Variants in FERMT1 observed in about 807,000 individuals in gnomAD.
The protein encoded by FERMT1 is FERM domain containing kindlin 1, also known as fermitin family homolog 1.
Under a neutral mutation model 85.3 loss-of-function variants are expected in FERMT1, and 60 were observed. That is an observed-to-expected ratio of 0.70 (90% CI 0.57 to 0.87). The LOEUF (loss-of-function observed/expected upper bound fraction) is 0.87, where lower values mean the gene tolerates loss of function less well. FERMT1 is among the 40% of genes least tolerant of loss of function. The pLI is 0.00. For missense variants in FERMT1, 701 were observed against 818.9 expected, an observed-to-expected ratio of 0.86 and a Z score of 1.76; for synonymous variants, 275 against 301.1, an observed-to-expected ratio of 0.91 and a Z score of 0.90.
chr20:6,090,773 T>C (rs1982334371), intron 9 of FERMT1, among the ~76,000 whole-genome samples: 1 of 152,148 alleles, frequency 6.6e-6, no homozygotes, highest in Admixed American at 6.5e-5. Context: ...CCCCTCAGTG[T>C]ATTACAGAAG....
chr20:6,090,275 A>G (rs1033363487), intron 9 of FERMT1, among the ~76,000 whole-genome samples: 22 of 151,904 alleles, frequency 1.4e-4, no homozygotes, highest in Non-Finnish European at 2.2e-4. Context: ...GGGTTTCACT[A>G]TGTTGGCCAG....
At chr20:6,119,026 C>T (rs906878188) in intron 2 of FERMT1, among the ~76,000 whole-genome samples, 3 of 151,848 alleles carry the variant, frequency 2.0e-5, no homozygotes, top group Non-Finnish European at 4.4e-5. Context: ...TGGCTCACTG[C>T]AACCCCCGCC....
intron 13 of FERMT1, among the ~76,000 whole-genome samples, chr20:6,079,818 A>C (rs1379085690): frequency 1.3e-5 from 2 of 152,246 alleles, no homozygotes; most frequent in Non-Finnish European, 2.9e-5. Context: ...GAAGAAAAAT[A>C]AGATGGAATC....
chr20:6,084,904 G>C (rs1270816535), intron 12 of FERMT1, among the ~76,000 whole-genome samples, 162 bp downstream of exon 12: 2 of 152,058 alleles, frequency 1.3e-5, no homozygotes, highest in African/African-American at 4.8e-5. Flanking sequence ...TGTTGCCCAG[G>C]CTGGTCTTGA....
intron 4 of FERMT1, among the ~76,000 whole-genome samples, chr20:6,111,855 T>C (rs1982959904): frequency 6.9e-6 from 1 of 145,722 alleles, no homozygotes; most frequent in Non-Finnish European, 1.5e-5. Context: ...ATTTAACTTA[T>C]CTTTTTTCTT....
chr20:6,109,680 A>G (rs1402224278), intron 5 of FERMT1, among the ~76,000 whole-genome samples: 2 of 152,052 alleles, frequency 1.3e-5, no homozygotes, highest in African/African-American at 2.4e-5. Flanking sequence ...TGGGCAGATT[A>G]CCTGAGGTCA....
At chr20:6,097,140 G>T in intron 7 of FERMT1, 107 bp from the exon 8 acceptor site, 2 of 1,090,346 alleles carry the variant, frequency 1.8e-6, no homozygotes, top group Non-Finnish European at 2.8e-6. Context: ...TTGGAATACT[G>T]AACATCTCCT....
intron 9 of FERMT1, among the ~76,000 whole-genome samples, chr20:6,090,858 C>T (rs1982336260): frequency 6.6e-6 from 1 of 151,666 alleles, no homozygotes; most frequent in Non-Finnish European, 1.5e-5. Flanking sequence ...TAAGAAAAAA[C>T]ACTGTATTAA....
At chr20:6,078,633 G>GT (rs11480502) in intron 14 of FERMT1, among the ~76,000 whole-genome samples, 29,005 of 134,486 alleles carry the variant, frequency 0.22, 3,499 homozygotes, top group East Asian at 0.5. Context: ...CTAGTTCAGC[G>GT]TTTTTTTTTT....
At chr20:6,101,582 C>T (rs1282989322) in intron 6 of FERMT1, among the ~76,000 whole-genome samples, 1 of 152,182 alleles carries the variant, frequency 6.6e-6, no homozygotes, top group Non-Finnish European at 1.5e-5. Context: ...GTGGCTGCCT[C>T]TTAGGAGAAT....
chr20:6,111,900 G>A (rs965467630), intron 4 of FERMT1, among the ~76,000 whole-genome samples: 10 of 143,962 alleles, frequency 6.9e-5, no homozygotes, highest in African/African-American at 2.5e-4. Flanking sequence ...GTCTTGCTCT[G>A]TCACCCAGCC....
At position 6,104,761 on chromosome 20, in the gene FERMT1, C is replaced by T. The variant is rs984760429; in HGVS notation, c.849+2771G>A. On this transcript the variant is annotated intron_variant, in intron 6 of 14. Transcript: ENST00000217289. The surrounding 1 kb of genome is among the most constrained non-coding windows in gnomAD (Gnocchi z 4.2). ...AGTGTCCTTGTCCCCTTCTGGAGTA[C>T]GATTCGTTTGATTTCTTCCACTTTT... Among the ~76,000 whole-genome samples, 4 of 152,204 alleles carry T rather than the reference C, an allele frequency of 2.6e-5. No individual in the cohort carries two copies. The highest frequency in any genetic ancestry group is 5.9e-5 in the Non-Finnish European group (4 of 68,040).
Position 6,076,824 on chromosome 20 carries a change from G to A in FERMT1, c.*349C>T. On this transcript the variant is annotated 3_prime_UTR_variant, in exon 15 of 15. Coordinates refer to ENST00000217289, the MANE Select transcript of FERMT1 (RefSeq NM_017671.5). The stretch of plus-strand genomic sequence containing the variant: ...CTGTCTTCTCCATTGACTTAGTAAT[G>A]AGACAGATCAGCACGAGGATAACTT... 7.7e-6 allele frequency: 3 copies of A among 388,296 alleles called. No homozygotes were observed. Among genetic ancestry groups the A allele is most frequent in the South Asian group, 7.4e-5 (3 of 40,698 alleles). 24.1% of individuals were successfully genotyped at this position (388,296 alleles called of 1,614,324 possible).
At chr20:6,112,657 A>C (rs971029149) in intron 3 of FERMT1, 34 bp from the exon 4 acceptor site, 2 of 1,428,002 alleles carry the variant, frequency 1.4e-6, no homozygotes, top group Non-Finnish European at 1.9e-6. Flanking sequence ...ATGAAGAAAA[A>C]GTAAAAAGAA....
intron 1 of FERMT1, chr20:6,120,366 C>T (rs970545921): frequency 6.6e-6 from 1 of 152,098 alleles, no homozygotes; most frequent in Non-Finnish European, 1.5e-5. Flanking sequence ...ACAGGAGTAA[C>T]AGATATAAAA....
chr20:6,116,297 A>G (rs975027808), intron 2 of FERMT1, among the ~76,000 whole-genome samples: 1 of 152,240 alleles, frequency 6.6e-6, no homozygotes, highest in African/African-American at 2.4e-5. Context: ...ACAGCAAACC[A>G]TCATGGTACA....
At chr20:6,087,500 G>A (rs1338262875) in intron 11 of FERMT1, among the ~76,000 whole-genome samples, 1 of 152,134 alleles carries the variant, frequency 6.6e-6, no homozygotes, top group Non-Finnish European at 1.5e-5. Flanking sequence ...TAGTAGAGAT[G>A]AGGTTTCACC....
intron 1 of FERMT1, among the ~76,000 whole-genome samples, chr20:6,121,301 T>C (rs924646394): frequency 2.0e-5 from 3 of 152,210 alleles, no homozygotes; most frequent in Admixed American, 6.5e-5. Flanking sequence ...TTTGTATTTT[T>C]AGTAGAGACA....
chr20:6,122,625 G>C (rs758791603), intron 1 of FERMT1, 149 bp downstream of exon 1: 3 of 152,286 alleles, frequency 2.0e-5, no homozygotes, highest in Non-Finnish European at 4.4e-5. Context: ...GGAGAAGGTG[G>C]TCACATCCAG....
Sources: allele counts gnomAD v4.1 joint callset (sites outside exome capture counted in the v4.1 genomes callset), GRCh38; gene constraint gnomAD v4.1.1; non-coding constraint Gnocchi (gnomAD v3.1); transcripts MANE v1.5; gene names NCBI Gene and HGNC (gene_info 2026-07-23, HGNC 2026-07-21).